The following LRP2 variants were observed in gnomAD, a reference collection of about 807,000 sequenced individuals.
LRP2 encodes low-density lipoprotein receptor-related protein 2.
In LRP2, 172 loss-of-function variants were observed where a neutral mutation model predicts 531.0. That is an observed-to-expected ratio of 0.32 (90% CI 0.29 to 0.37). The LOEUF is 0.37. Ranked by LOEUF, LRP2 falls within the 10% of genes least tolerant of loss-of-function variation. LRP2 has a pLI of 1.00. For missense variants in LRP2, 5,167 were observed against 5,868.3 expected, an observed-to-expected ratio of 0.88 and a Z score of 3.90; for synonymous variants, 1,992 against 2,027.6, an observed-to-expected ratio of 0.98 and a Z score of 0.47.
chr2:169,149,167 C>A (rs1209102395), intron 68 of LRP2, among the ~76,000 whole-genome samples: 1 of 152,170 alleles, frequency 6.6e-6, no homozygotes, highest in Non-Finnish European at 1.5e-5. Context: ...ATTTATAGAT[C>A]CTTTGTACAA....
chr2:169,209,479 C>A lies in LRP2; in HGVS notation c.6443G>T (p.Arg2148Leu). The A allele has an allele frequency of 6.2e-7, 1 of 1,614,082 alleles. No homozygotes were observed. The highest frequency in any genetic ancestry group is 1.7e-5 in the Admixed American group (1 of 60,008). ...VTHGIGENGV[R>L]GIAVDWVAGN... The stretch of plus-strand genomic sequence containing the variant: ...TGCTACCCAATCCACTGCAATACCC[C>A]GGACTCCATTTTCTCCTATTCCATG... The change falls in exon 38 of 79, where the codon CGG becomes CTG. Residue 2148 changes from arginine to leucine, a missense_variant. Around this residue, in one of 6 missense-constraint regions of LRP2, gnomAD observed 2,811 missense variants for 3,058.0 expected, o/e 0.92. Transcript: ENST00000649046.
chr2:169,293,262 A>G (rs1684045786), intron 6 of LRP2, among the ~76,000 whole-genome samples: 1 of 152,228 alleles, frequency 6.6e-6, no homozygotes, highest in Non-Finnish European at 1.5e-5. Context: ...ACTCTTTCCA[A>G]AAAACATAAG....
Position 169,168,693 on chromosome 2 carries a change from A to G in LRP2, c.11498-17T>C. 1 of 1,613,932 alleles carries G rather than the reference A, an allele frequency of 6.2e-7. No individual in the cohort carries two copies. Among genetic ancestry groups the G allele is most frequent in the Non-Finnish European group, 8.5e-7 (1 of 1,179,818 alleles). ...AGCGTGTGGCTGCCATGGGGGAAAA[A>G]AACATATTCAAATTATTATACAAAT... On this transcript the variant is annotated splice_polypyrimidine_tract_variant and intron_variant, in intron 60 of 78. Coordinates refer to ENST00000649046, the MANE Select transcript of LRP2 (RefSeq NM_004525.3).
intron 77 of LRP2, among the ~76,000 whole-genome samples, chr2:169,129,521 C>A (rs1169902173): frequency 6.6e-6 from 1 of 152,206 alleles, no homozygotes; most frequent in Non-Finnish European, 1.5e-5. Flanking sequence ...TTGGTCAACT[C>A]AAGAGTATCC....
chr2:169,285,796 T>C (rs948233792), intron 9 of LRP2, among the ~76,000 whole-genome samples: 1 of 152,088 alleles, frequency 6.6e-6, no homozygotes, highest in Non-Finnish European at 1.5e-5. Context: ...CACTGCCAGG[T>C]CAACACTACC....
intron 16 of LRP2, among the ~76,000 whole-genome samples, chr2:169,261,325 T>C (rs1690538895): frequency 6.6e-6 from 1 of 151,976 alleles, no homozygotes. Flanking sequence ...TCCTGACTTT[T>C]AATATGATTT....
chr2:169,155,484 A>G (rs1164422057), intron 65 of LRP2, among the ~76,000 whole-genome samples: 1 of 152,206 alleles, frequency 6.6e-6, no homozygotes, highest in East Asian at 1.9e-4. Context: ...CTCAATTTGT[A>G]TGAAGAAATT....
At chr2:169,201,040 T>C (rs77726104) in intron 44 of LRP2, among the ~76,000 whole-genome samples, 8,436 of 152,258 alleles carry the variant, frequency 0.055, 402 homozygotes, top group African/African-American at 0.13. Context: ...ACTCTAGGTC[T>C]ACATACCAGT....
intron 11 of LRP2, 91 bp downstream of exon 11, chr2:169,280,259 A>T: frequency 6.9e-7 from 1 of 1,444,166 alleles, no homozygotes; most frequent in Non-Finnish European, 9.7e-7. Flanking sequence ...TTAGAAAACA[A>T]AGGAACTTTC....
chr2:169,315,003 T>C (rs1684719059), intron 3 of LRP2, among the ~76,000 whole-genome samples: 1 of 152,222 alleles, frequency 6.6e-6, no homozygotes, highest in South Asian at 2.1e-4. Context: ...TCAATTACCT[T>C]GGCTTTCTTC....
At chr2:169,156,003 A>C (rs1350021735) in intron 65 of LRP2, among the ~76,000 whole-genome samples, 1 of 152,128 alleles carries the variant, frequency 6.6e-6, no homozygotes, top group African/African-American at 2.4e-5. Flanking sequence ...ATCAAGGTAG[A>C]CAAGAGGCTA....
Position 169,236,023 on chromosome 2 carries a change from G to C in LRP2, c.4737C>G (p.Ile1579Met), listed in dbSNP as rs750285439. ...FWSDWGHHPR[I>M]ERASMDGSMR... is the part of the protein sequence containing the mutation. ...TGCTGCCGTCCATGCTGGCTCGCTC[G>C]ATGCGAGGGTGGTGGCCCCAGTCAG... Residue 1579 changes from isoleucine (I) to methionine (M), a missense_variant, in exon 29 of 79, where the codon ATC (isoleucine) becomes ATG (methionine). By Grantham distance (10) the Ile-to-Met change is conservative. Transcript: ENST00000649046. 4.3e-6 allele frequency: 7 copies of C among 1,614,120 alleles called. No homozygotes were observed. The highest frequency in any genetic ancestry group is 5.9e-6 in the Non-Finnish European group (7 of 1,179,994).
At chr2:169,163,359 C>G (rs978664599) in intron 62 of LRP2, among the ~76,000 whole-genome samples, 1 of 152,048 alleles carries the variant, frequency 6.6e-6, no homozygotes, top group South Asian at 2.1e-4. Context: ...TAAAATAAAG[C>G]CCAGAAATTT....
At chr2:169,172,654 C>T (rs535362161) in intron 57 of LRP2, among the ~76,000 whole-genome samples, 1 of 152,264 alleles carries the variant, frequency 6.6e-6, no homozygotes, top group South Asian at 2.1e-4. Flanking sequence ...CAGGGAAAAT[C>T]AGAGAGACAT....
chr2:169,219,115 G>A (rs1176176030), intron 34 of LRP2, among the ~76,000 whole-genome samples: 1 of 152,162 alleles, frequency 6.6e-6, no homozygotes, highest in Non-Finnish European at 1.5e-5. Context: ...TCGAACCTAA[G>A]ACAGTCCTTC....
chr2:169,213,819 G>T lies in LRP2; in HGVS notation c.5878C>A (p.Leu1960Ile), dbSNP rs145093268. 3.1e-6 allele frequency: 5 copies of T among 1,613,570 alleles called. No individual in the cohort carries two copies. The highest frequency in any genetic ancestry group is 1.3e-5 in the African/African-American group (1 of 74,896). ...GTDRMILVHQ[L>I]SHPWGIAVHD... ...ACTGCAATTCCCCAGGGGTGGGAAA[G>T]CTGGTGTACCAGGATCATTCGATCT... is the stretch of plus-strand genomic sequence containing the variant. Residue 1960 changes from leucine (L) to isoleucine (I), a missense_variant, in exon 36 of 79, where the codon CTT becomes ATT. Transcript: ENST00000649046.
intron 1 of LRP2, among the ~76,000 whole-genome samples, chr2:169,324,188 G>C (rs1684982083): frequency 6.6e-6 from 1 of 152,054 alleles, no homozygotes; most frequent in African/African-American, 2.4e-5. Flanking sequence ...TTGAAGCACA[G>C]AGCAATTCGG....
rs548502191 is a variant in LRP2, at chr2:169,143,641, G to A, written c.12989-848C>T. Among the ~76,000 whole-genome samples the A allele has an allele frequency of 2.1e-4, 32 of 152,166 alleles. No individual in the cohort carries two copies. The South Asian group carries it at 2.3e-3, about 11-fold the overall frequency. ...AGCCAGGGCGACAGAGCAAGATTCC[G>A]TCTCAAAAACAAAAAACAAACAAAC... is the stretch of plus-strand genomic sequence containing the variant. On this transcript the variant is annotated intron_variant, in intron 70 of 78. Transcript: ENST00000649046.
At chr2:169,173,818 T>C in intron 56 of LRP2, 101 bp downstream of exon 56, 1 of 1,518,950 alleles carries the variant, frequency 6.6e-7, no homozygotes, top group Non-Finnish European at 9.0e-7. Flanking sequence ...GAGCATCCCA[T>C]CAGCTGAAAA....
Sources: gnomAD v4.1 joint callset for allele counts (sites outside exome capture counted in the v4.1 genomes callset) on GRCh38, gnomAD v4.1.1 for gene constraint, gnomAD v4.1.1 regional missense constraint, MANE v1.5 for transcripts, NCBI Gene and HGNC (gene_info 2026-07-23, HGNC 2026-07-21) for gene names.